Variants in EML4 observed in about 807,000 individuals in gnomAD.
The protein encoded by EML4 is echinoderm microtubule-associated protein-like 4.
In EML4, 72 loss-of-function variants were observed where a neutral mutation model predicts 129.0. The observed-to-expected ratio is 0.56, with a 90% confidence interval of 0.46 to 0.68. The LOEUF (loss-of-function observed/expected upper bound fraction) is 0.68, where lower values mean the gene tolerates loss of function less well. EML4 is among the 30% of genes least tolerant of loss of function. The probability of loss-of-function intolerance (pLI) is 0.00; values close to 1 mark genes in which losing one functional copy is unlikely to be tolerated. For missense variants in EML4, 1,363 were observed against 1,190.6 expected (o/e 1.14, Z -2.13); for synonymous variants, 532 against 405.0 (o/e 1.31, Z -3.77).
intron 19 of EML4, among the ~76,000 whole-genome samples, chr2:42,319,157 C>T (rs1045389713): frequency 6.6e-6 from 1 of 152,188 alleles, no homozygotes; most frequent in African/African-American, 2.4e-5. Flanking sequence ...TCATTGGTGT[C>T]ATCTTGTGAC....
intron 2 of EML4, among the ~76,000 whole-genome samples, chr2:42,248,546 A>G (rs1675560854): frequency 6.6e-6 from 1 of 152,172 alleles, no homozygotes; most frequent in Non-Finnish European, 1.5e-5. Flanking sequence ...ATCCTTAGTC[A>G]TAATTCCTAT....
intron 1 of EML4, among the ~76,000 whole-genome samples, chr2:42,192,891 G>A (rs1299072751): frequency 6.6e-6 from 1 of 152,078 alleles, no homozygotes; most frequent in Non-Finnish European, 1.5e-5. Context: ...AAGCATTTAG[G>A]GTTTTGCTAA....
At chr2:42,249,074 A>G (rs929726501) in intron 2 of EML4, among the ~76,000 whole-genome samples, 1 of 152,188 alleles carries the variant, frequency 6.6e-6, no homozygotes, top group Non-Finnish European at 1.5e-5. Context: ...CACTATTGAC[A>G]TTTGTGTACA....
At chr2:42,223,219 A>T (rs527543037) in intron 1 of EML4, among the ~76,000 whole-genome samples, 16 of 152,236 alleles carry the variant, frequency 1.1e-4, no homozygotes, top group Non-Finnish European at 2.1e-4. Context: ...TCCCTGCTAC[A>T]TACATTGTTG....
intron 6 of EML4, among the ~76,000 whole-genome samples, chr2:42,278,950 G>C (rs933050405): frequency 1.4e-5 from 2 of 148,094 alleles, no homozygotes; most frequent in African/African-American, 2.5e-5. Context: ...AAAAAAAAAT[G>C]TATTGATTTG....
At position 42,179,479 on chromosome 2, in the gene EML4, C is replaced by G. The variant is rs141581465; in HGVS notation, c.25+9843C>G. On this transcript the variant is annotated intron_variant, in intron 1 of 22. Coordinates refer to ENST00000318522, the MANE Select transcript of EML4 (RefSeq NM_019063.5). ...CATTAATGTTTATTGAACTTGGTAA[C>G]TGTCTTCAGGTTATGTAAGAGAATA... 5.1e-4 allele frequency among the ~76,000 whole-genome samples: 77 copies of G among 152,180 alleles called. No individual in the cohort carries two copies. In the Middle Eastern group the frequency reaches 0.014, roughly 27 times the overall value.
At chr2:42,264,103 G>GGTTTT (rs1324184671) in intron 5 of EML4, among the ~76,000 whole-genome samples, 15 of 100,750 alleles carry the variant, frequency 1.5e-4, no homozygotes, top group Non-Finnish European at 2.3e-4. Flanking sequence ...AACAATACGT[G>GGTTTT]TTTTTTTTTT....
At chr2:42,217,368 G>A (rs990417044) in intron 1 of EML4, among the ~76,000 whole-genome samples, 3 of 151,816 alleles carry the variant, frequency 2.0e-5, no homozygotes, top group Non-Finnish European at 4.4e-5. Flanking sequence ...GTCAAGATTC[G>A]TTCTTCTCAG....
At chr2:42,176,306 TG>T (rs1196340691) in intron 1 of EML4, among the ~76,000 whole-genome samples, 1 of 152,210 alleles carries the variant, frequency 6.6e-6, no homozygotes, top group Non-Finnish European at 1.5e-5. Context: ...ATTCGATGCG[TG>T]GATTATTGCA....
At chr2:42,180,300 G>T (rs1280993487) in intron 1 of EML4, among the ~76,000 whole-genome samples, 1 of 152,204 alleles carries the variant, frequency 6.6e-6, no homozygotes. Context: ...CTCTGGACCA[G>T]AGGTAGCTGT....
intron 1 of EML4, among the ~76,000 whole-genome samples, chr2:42,201,763 T>C (rs1224959144): frequency 1.3e-5 from 2 of 152,012 alleles, no homozygotes; most frequent in South Asian, 2.1e-4. Flanking sequence ...ATTTCACTTA[T>C]ATGTGGAAAC....
intron 1 of EML4, among the ~76,000 whole-genome samples, chr2:42,239,909 G>GA (rs1674910361): frequency 1.3e-5 from 2 of 152,040 alleles, no homozygotes; most frequent in Non-Finnish European, 2.9e-5. Flanking sequence ...GCATCTTAGA[G>GA]ATTGGGAGGG....
chr2:42,184,248 T>C (rs1006153347), intron 1 of EML4, among the ~76,000 whole-genome samples: 3 of 152,092 alleles, frequency 2.0e-5, no homozygotes, highest in African/African-American at 7.3e-5. Flanking sequence ...ATTATTATTA[T>C]TATATTTTAA....
At chr2:42,190,938 C>A (rs774118507) in intron 1 of EML4, among the ~76,000 whole-genome samples, 4 of 152,160 alleles carry the variant, frequency 2.6e-5, no homozygotes, top group Non-Finnish European at 4.4e-5. Context: ...TCTTTGTGTG[C>A]AGGCCACACA....
At chr2:42,201,375 G>A (rs1487447052) in intron 1 of EML4, among the ~76,000 whole-genome samples, 1 of 152,186 alleles carries the variant, frequency 6.6e-6, no homozygotes, top group Non-Finnish European at 1.5e-5. Flanking sequence ...TTGCCCAAGA[G>A]CGCACAGCTA....
chr2:42,241,858 G>A (rs1369967988), intron 1 of EML4, among the ~76,000 whole-genome samples: 1 of 143,360 alleles, frequency 7.0e-6, no homozygotes, highest in Non-Finnish European at 1.5e-5. Context: ...TAGATTGTGT[G>A]TGTATGTGTG....
intron 1 of EML4, among the ~76,000 whole-genome samples, chr2:42,245,090 C>CTTTTTTTTTTTTTTTTTTTTT (rs960416568): frequency 1.4e-4 from 2 of 14,510 alleles, no homozygotes; most frequent in African/African-American, 3.2e-4. Flanking sequence ...TTGAAATTTT[C>CTTTTTTTTTTTTTTTTTTTTT]TTTCTTTTTT....
rs190094044 is a variant in EML4, at chr2:42,288,110, A to G, written c.1123-117A>G. 128 of 459,990 alleles carry G rather than the reference A, an allele frequency of 2.8e-4. 1 individual carries two copies. Among genetic ancestry groups the G allele is most frequent in the Non-Finnish European group, 4.4e-4 (110 of 252,678 alleles). The allele number at this position is 459,990 out of a possible 1,614,324, so 28.5% of individuals were successfully genotyped here. ...ATTCATTATGTTTCAGAGAGCGATG[A>G]GTTTAAAGGATTTTGGGTTATCTTA... On this transcript the variant is annotated intron_variant, in intron 10 of 22. Coordinates refer to ENST00000318522, the MANE Select transcript of EML4 (RefSeq NM_019063.5).
At chr2:42,262,523 T>C (rs1665797133) in intron 4 of EML4, among the ~76,000 whole-genome samples, 1 of 152,204 alleles carries the variant, frequency 6.6e-6, no homozygotes, top group Non-Finnish European at 1.5e-5. Context: ...CCCTCCTAAA[T>C]TGCTCTTTGG....
Sources: allele counts gnomAD v4.1 joint callset (sites outside exome capture counted in the v4.1 genomes callset), GRCh38; gene constraint gnomAD v4.1.1; transcripts MANE v1.5; gene names NCBI Gene and HGNC (gene_info 2026-07-23, HGNC 2026-07-21).